TIMM50: variants seen among roughly 807,000 people sequenced by gnomAD.
The protein encoded by TIMM50 is translocase of inner mitochondrial membrane 50, also known as mitochondrial import inner membrane translocase subunit TIM50.
In TIMM50, 34 loss-of-function variants were observed where a neutral mutation model predicts 49.6. The observed-to-expected ratio is 0.69, with a 90% CI of 0.52 to 0.91. The LOEUF is 0.91. Ranked by LOEUF, TIMM50 falls within the 40% of genes least tolerant of loss-of-function variation. The probability of loss-of-function intolerance (pLI) is 0.00; values close to 1 mark genes in which losing one functional copy is unlikely to be tolerated. For missense variants in TIMM50, 458 were observed against 477.8 expected (o/e 0.96, Z 0.39); for synonymous variants, 199 against 198.4 (o/e 1.00, Z -0.03).
At position 39,492,883 on chromosome 19, in the gene TIMM50, A is replaced by AAAAAAAC. The variant is rs1555752647; in HGVS notation, c.*3069_*3070insCAAAAAA. On this transcript the variant is annotated 3_prime_UTR_variant, in exon 11 of 11. Transcript: ENST00000607714. The stretch of plus-strand genomic sequence containing the variant: ...AAGGCTCTGTCTCCAAAAAAAAAAA[A>AAAAAAAC]AAAAAAAAACAAAAAAAAAACCAGT... 2.2e-5 allele frequency: 3 copies of AAAAAAAC among 138,528 alleles called. No homozygotes were observed. The highest frequency in any genetic ancestry group is 5.6e-5 in the African/African-American group (2 of 35,692). 8.6% of individuals were successfully genotyped at this position (138,528 alleles called of 1,614,324 possible).
rs2079498933 is a variant in TIMM50, at chr19:39,485,542, A to G, written c.314-2A>G. Reference sequence around the variant, plus strand: ...ATCTCTTTGTGCCTGGTGTTCTCCTAGATCCAATTCTGGTACAGCAGTTGC... The same window carrying G: ...ATCTCTTTGTGCCTGGTGTTCTCCTGGATCCAATTCTGGTACAGCAGTTGC... On this transcript the variant is annotated splice_acceptor_variant, in intron 4 of 10. Coordinates refer to ENST00000607714, the MANE Select transcript of TIMM50 (RefSeq NM_001001563.5). LOFTEE classifies it high-confidence loss of function. The G allele has an allele frequency of 4.3e-6, 7 of 1,614,160 alleles. No individual in the cohort carries two copies. The highest frequency in any genetic ancestry group is 5.9e-6 in the Non-Finnish European group (7 of 1,180,036).
In TIMM50 at chr19:39,486,469, A is replaced by G; in HGVS notation, c.670A>G (p.Arg224Gly). The change falls in exon 8 of 11, where the codon AGA becomes GGA. Residue 224 changes from arginine (R) to glycine (G), a missense_variant. Arg to Gly is a moderately radical substitution (Grantham distance 125). Transcript: ENST00000607714. Reference protein sequence around the residue: ...ISYRLFRDATRYMDGHHVKDI... With the variant: ...ISYRLFRDATGYMDGHHVKDI... ...CTACCGCCTATTCCGGGACGCCACA[A>G]GATACATGGATGGACACCATGTAAA... The G allele has an allele frequency of 1.2e-6, 2 of 1,614,148 alleles. No homozygotes were observed. The highest frequency in any genetic ancestry group is 2.2e-5 in the East Asian group (1 of 44,880).
chr19:39,481,626 C>T (rs932847367), intron 1 of TIMM50, among the ~76,000 whole-genome samples: 1 of 152,166 alleles, frequency 6.6e-6, no homozygotes, highest in African/African-American at 2.4e-5. Flanking sequence ...GCTGCAGACC[C>T]TCCAGTCCTG....
intron 4 of TIMM50, 194 bp from the exon 5 acceptor site, chr19:39,485,350 G>A (rs2079497469): frequency 3.2e-6 from 2 of 632,818 alleles, no homozygotes; most frequent in Non-Finnish European, 5.6e-6. Flanking sequence ...GCTTAAAATA[G>A]GGCAAGTAAA....
chr19:39,487,796 T>TA (rs1568442847), intron 8 of TIMM50, among the ~76,000 whole-genome samples: 1 of 152,050 alleles, frequency 6.6e-6, no homozygotes, highest in East Asian at 1.9e-4. Context: ...TTCACCATTT[T>TA]AGCCAGGCTG....
At position 39,489,976 on chromosome 19, in the gene TIMM50, A is replaced by C; in HGVS notation, c.*156A>C. On this transcript the variant is annotated 3_prime_UTR_variant, in exon 11 of 11. Coordinates refer to ENST00000607714, the MANE Select transcript of TIMM50 (RefSeq NM_001001563.5). Reference sequence around the variant, plus strand: ...TGGGGGCATCAGGGTGAGGTCCGGGACTCTTGGGTCATCGTCCCACAGTGG... The same window carrying C: ...TGGGGGCATCAGGGTGAGGTCCGGGCCTCTTGGGTCATCGTCCCACAGTGG... The C allele has an allele frequency of 1.4e-6, 1 of 702,578 alleles. No homozygotes were observed. The highest frequency in any genetic ancestry group is 2.4e-6 in the Non-Finnish European group (1 of 419,716). 43.5% of individuals were successfully genotyped at this position (702,578 alleles called of 1,614,324 possible).
chr19:39,484,677 G>A (rs1379671531), intron 4 of TIMM50, among the ~76,000 whole-genome samples: 1 of 152,116 alleles, frequency 6.6e-6, no homozygotes, highest in Non-Finnish European at 1.5e-5. Flanking sequence ...TATGGTATAT[G>A]GATGTGTTTA....
intron 8 of TIMM50, among the ~76,000 whole-genome samples, chr19:39,487,475 T>G (rs2079514463): frequency 6.6e-6 from 1 of 152,084 alleles, no homozygotes; most frequent in African/African-American, 2.4e-5. Context: ...ATTTTTTTTG[T>G]GAGACGGAGT....
Position 39,490,266 on chromosome 19 carries a change from C to T in TIMM50, c.*446C>T, listed in dbSNP as rs1185160646. On this transcript the variant is annotated 3_prime_UTR_variant, in exon 11 of 11. Transcript: ENST00000607714. ...GGCCTCTGGTGGACCAGAGATTACC[C>T]CTCTCAACAGGCCAGCTGCTGGTTG... 1.3e-5 allele frequency: 2 copies of T among 156,758 alleles called. No individual in the cohort carries two copies. Among genetic ancestry groups the T allele is most frequent in the Non-Finnish European group, 2.8e-5 (2 of 71,012 alleles). 9.7% of individuals were successfully genotyped at this position (156,758 alleles called of 1,614,324 possible).
At chr19:39,482,769 G>A in intron 2 of TIMM50, 116 bp from the exon 3 acceptor site, 1 of 1,411,720 alleles carries the variant, frequency 7.1e-7, no homozygotes, top group Non-Finnish European at 9.9e-7. Flanking sequence ...GACTCCAGGA[G>A]GCTGTGCCTC....
At position 39,488,227 on chromosome 19, in the gene TIMM50, A is replaced by G. The variant is rs773930060; in HGVS notation, c.853+10A>G. The G allele has an allele frequency of 5.6e-6, 9 of 1,601,180 alleles. No homozygotes were observed. In the South Asian group the frequency reaches 9.9e-5, roughly 18 times the overall value. ...TCTGCCTTCCTCAAGAGTAAGGCTGACCCCTGATCCCTTGGCCTCTGACCC... is the reference window on the plus strand; with the variant it reads ...TCTGCCTTCCTCAAGAGTAAGGCTGGCCCCTGATCCCTTGGCCTCTGACCC... On this transcript the variant is annotated intron_variant, in intron 9 of 10. Transcript: ENST00000607714.
At position 39,492,819 on chromosome 19, in the gene TIMM50, T is replaced by C. The variant is rs2060272; in HGVS notation, c.*2999T>C. 83,287 of 138,500 alleles carry C rather than the reference T, an allele frequency of 0.6. 25,225 individuals are homozygous for C. The highest frequency in any genetic ancestry group is 0.74 in the African/African-American group (27,310 of 37,142). 8.6% of individuals were successfully genotyped at this position (138,500 alleles called of 1,614,324 possible). ...CCAGGAGGCAGAGGTTGCAGTGAGC[T>C]GAGATCACACCATTGCACTCCAGCC... On this transcript the variant is annotated 3_prime_UTR_variant, in exon 11 of 11. Transcript: ENST00000607714.
chr19:39,483,699 G>A (rs1568441056), intron 4 of TIMM50, among the ~76,000 whole-genome samples: 1 of 152,190 alleles, frequency 6.6e-6, no homozygotes, highest in Non-Finnish European at 1.5e-5. Context: ...TTTGCAAACA[G>A]TCATGTTAAT....
At chr19:39,481,047 C>G (rs1405279174) in intron 1 of TIMM50, 86 bp downstream of exon 1, 2 of 1,425,874 alleles carry the variant, frequency 1.4e-6, no homozygotes. Context: ...GGTTCCGGGA[C>G]GCCTCACCTC....
intron 8 of TIMM50, 37 bp downstream of exon 8, chr19:39,486,532 C>T (rs762108765): frequency 3.8e-5 from 61 of 1,590,208 alleles, no homozygotes; most frequent in Middle Eastern, 3.3e-4. Context: ...TGGGATTTGG[C>T]GGAGTTGGCA....
rs546299189 is a variant in TIMM50 at position 39,492,864 on chromosome 19, C to CT, written c.*3045dup. The CT allele has an allele frequency of 5.2e-5, 3 of 57,838 alleles. No individual in the cohort carries two copies. In the South Asian group the frequency reaches 2.5e-3, roughly 49 times the overall value. The allele number at this position is 57,838 out of a possible 1,614,324, so 3.6% of individuals were successfully genotyped here. A position where few individuals can be genotyped will look rare whatever the true frequency, so the allele number is the denominator to read the frequency against. Reference sequence around the variant, plus strand: ...CCAGCCTGGGCGACAGAGTAAGGCTCTGTCTCCAAAAAAAAAAAAAAAAAA... The same window carrying CT: ...CCAGCCTGGGCGACAGAGTAAGGCTCTTGTCTCCAAAAAAAAAAAAAAAAAA... On this transcript the variant is annotated 3_prime_UTR_variant, in exon 11 of 11. Coordinates refer to ENST00000607714, the MANE Select transcript of TIMM50 (RefSeq NM_001001563.5).
In TIMM50 at chr19:39,493,688, C is replaced by T. The variant is rs2079562990; in HGVS notation, c.*3868C>T. On this transcript the variant is annotated 3_prime_UTR_variant, in exon 11 of 11. Transcript: ENST00000607714. ...TAATTTTCCATTACCTTCCCAAATA[C>T]TATAAAACAGCCCCACCCCTATCTC... The T allele has an allele frequency of 6.6e-6, 1 of 152,144 alleles. No homozygotes were observed. Among genetic ancestry groups the T allele is most frequent in the African/African-American group, 2.4e-5 (1 of 41,412 alleles). The allele number at this position is 152,144 out of a possible 1,614,324, so 9.4% of individuals were successfully genotyped here. A position where few individuals can be genotyped will look rare whatever the true frequency, so the allele number is the denominator to read the frequency against.
chr19:39,487,474 G>A (rs2079514445), intron 8 of TIMM50, among the ~76,000 whole-genome samples: 1 of 149,988 alleles, frequency 6.7e-6, no homozygotes, highest in Admixed American at 6.6e-5. Context: ...TATTTTTTTT[G>A]TGAGACGGAG....
Position 39,488,009 on chromosome 19 carries a change from A to AT in TIMM50, c.697-51dup. On this transcript the variant is annotated intron_variant, in intron 8 of 10. Coordinates refer to ENST00000607714, the MANE Select transcript of TIMM50 (RefSeq NM_001001563.5). The stretch of plus-strand genomic sequence containing the variant: ...GTTTTGTGTGTTTTGGGTCTTCTTG[A>AT]TGGGGGGAGAGTTGGGCACAGATGT... 2.5e-6 allele frequency: 4 copies of AT among 1,569,812 alleles called. No individual in the cohort carries two copies. The South Asian group carries it at 3.5e-5, about 14-fold the overall frequency.
Sources: gnomAD v4.1 joint callset for allele counts (sites outside exome capture counted in the v4.1 genomes callset) on GRCh38, gnomAD v4.1.1 for gene constraint, MANE v1.5 for transcripts, NCBI Gene and HGNC (gene_info 2026-07-23, HGNC 2026-07-21) for gene names.